Variants in SECISBP2 observed in about 807,000 individuals in gnomAD.
The protein encoded by SECISBP2 is selenocysteine insertion sequence-binding protein 2.
A neutral mutation model predicts 98.2 loss-of-function variants in SECISBP2; 96 were observed. That is an observed-to-expected ratio of 0.98 (90% CI 0.83 to 1.16). The LOEUF is 1.16. Among genes scored for constraint, SECISBP2 ranks in the 50% most tolerant of loss-of-function variants. The probability of loss-of-function intolerance (pLI) is 0.00; values close to 1 mark genes in which losing one functional copy is unlikely to be tolerated. For synonymous variants in SECISBP2, 407 were observed against 370.2 expected, an observed-to-expected ratio of 1.10 and a Z score of -1.14; for missense variants, 1,046 against 1,022.9, an observed-to-expected ratio of 1.02 and a Z score of -0.31.
chr9:89,327,812 GTTT>G (rs555623897), intron 4 of SECISBP2, among the ~76,000 whole-genome samples: 2 of 136,856 alleles, frequency 1.5e-5, no homozygotes. Context: ...GTCGTTTTGT[GTTT>G]TTTTTTTTTT....
downstream of SECISBP2, chr9:89,361,272 T>C (rs193068210): frequency 3.3e-5 from 5 of 152,318 alleles, no homozygotes; most frequent in Admixed American, 6.5e-5. Context: ...TAGCAGGCGA[T>C]GTATGCTGAT....
At chr9:89,355,146 T>G in intron 14 of SECISBP2, 1 of 985,466 alleles carries the variant, frequency 1.0e-6, no homozygotes, top group Non-Finnish European at 1.2e-6. Context: ...CACAGTATGG[T>G]AGGACGTGCA....
rs376684428 is a variant in SECISBP2 at position 89,349,765 on chromosome 9, C to T, written c.1739-11C>T. On this transcript the variant is annotated splice_polypyrimidine_tract_variant and intron_variant, in intron 12 of 16. Transcript: ENST00000375807. ...CACAGATATCTGATGATGCCTTTTTCCTCCATGAAGGGCCAGAGGGGATGG... is the reference window on the plus strand; with the variant it reads ...CACAGATATCTGATGATGCCTTTTTTCTCCATGAAGGGCCAGAGGGGATGG... 1 of 1,613,786 alleles carries T rather than the reference C, an allele frequency of 6.2e-7. No homozygotes were observed. The highest frequency in any genetic ancestry group is 8.5e-7 in the Non-Finnish European group (1 of 1,180,016).
chr9:89,360,376 T>A (rs1363705975), downstream of SECISBP2, among the ~76,000 whole-genome samples: 1 of 152,124 alleles, frequency 6.6e-6, no homozygotes, highest in East Asian at 1.9e-4. Context: ...CAAAATTAAT[T>A]TGTGGGCAAA....
chr9:89,348,624 G>A (rs965958483), intron 12 of SECISBP2, among the ~76,000 whole-genome samples: 1 of 152,250 alleles, frequency 6.6e-6, no homozygotes, highest in East Asian at 1.9e-4. Context: ...TCAGAAAAGT[G>A]CACAAATATC....
In SECISBP2 at chr9:89,358,210, G is replaced by C; in HGVS notation, c.2461+19G>C. The C allele has an allele frequency of 6.2e-7, 1 of 1,605,210 alleles. No individual in the cohort carries two copies. The highest frequency in any genetic ancestry group is 8.5e-7 in the Non-Finnish European group (1 of 1,175,848). On this transcript the variant is annotated intron_variant, in intron 16 of 16. Coordinates refer to ENST00000375807, the MANE Select transcript of SECISBP2 (RefSeq NM_024077.5). ...CACTACAGTGAGTGCTTAAGGGAGA[G>C]TTGTGTCAGGTCGAGTGTCCTCTTA...
At chr9:89,342,823 C>A (rs1378020881) in intron 10 of SECISBP2, among the ~76,000 whole-genome samples, 1 of 152,068 alleles carries the variant, frequency 6.6e-6, no homozygotes, top group African/African-American at 2.4e-5. Context: ...ATTAAAAAGT[C>A]TTGAAAATGG....
At chr9:89,363,658 T>C, downstream of SECISBP2, 3 of 1,592,812 alleles carry the variant, frequency 1.9e-6, no homozygotes, top group Non-Finnish European at 2.6e-6. Flanking sequence ...CAAGCATGCT[T>C]TCCAGCTGTT....
At chr9:89,363,517 G>A (rs768111369), downstream of SECISBP2, 13 of 1,613,948 alleles carry the variant, frequency 8.1e-6, no homozygotes, top group Admixed American at 1.7e-4. Context: ...ACCTCTCCTG[G>A]TGGGTCACTT....
intron 2 of SECISBP2, chr9:89,324,117 T>G (rs573008005): frequency 2.0e-5 from 3 of 152,356 alleles, no homozygotes; most frequent in Admixed American, 2.0e-4. Flanking sequence ...GAACAGATTA[T>G]CCACCTTCAG....
At chr9:89,363,174 TC>T (rs1453195276), downstream of SECISBP2, among the ~76,000 whole-genome samples, 2 of 151,986 alleles carry the variant, frequency 1.3e-5, no homozygotes, top group Non-Finnish European at 2.9e-5. Flanking sequence ...CACCTGTGAG[TC>T]CCTCCCAGTC....
intron 16 of SECISBP2, 54 bp from the exon 17 acceptor site, chr9:89,358,667 A>G: frequency 8.4e-7 from 1 of 1,183,764 alleles, no homozygotes; most frequent in Admixed American, 1.7e-5. Context: ...TTCTTACAGG[A>G]GTTTTCCTAC....
At chr9:89,319,858 A>C in intron 2 of SECISBP2, 61 bp downstream of exon 2, 1 of 1,542,856 alleles carries the variant, frequency 6.5e-7, no homozygotes, top group Non-Finnish European at 9.0e-7. Context: ...TGGTGATTAG[A>C]CTTTCAAATA....
intron 10 of SECISBP2, among the ~76,000 whole-genome samples, chr9:89,345,995 G>A (rs1453786186): frequency 6.6e-6 from 1 of 152,216 alleles, no homozygotes; most frequent in Non-Finnish European, 1.5e-5. Context: ...CAGTCAGACA[G>A]GCGAGATTTA....
chr9:89,337,104 C>G (rs1474650202), intron 7 of SECISBP2, among the ~76,000 whole-genome samples: 1 of 152,050 alleles, frequency 6.6e-6, no homozygotes, highest in Admixed American at 6.5e-5. Context: ...TTGCAGCTGC[C>G]AAGTCACTCT....
chr9:89,347,190 C>G, intron 11 of SECISBP2, 142 bp downstream of exon 11: 1 of 845,310 alleles, frequency 1.2e-6, no homozygotes, highest in East Asian at 2.7e-5. Context: ...TAATGATACT[C>G]CAACAAATGA....
intron 4 of SECISBP2, among the ~76,000 whole-genome samples, chr9:89,327,150 C>G (rs1048809523): frequency 6.7e-6 from 1 of 150,170 alleles, no homozygotes; most frequent in Non-Finnish European, 1.5e-5. Flanking sequence ...GGAGACAGAG[C>G]GAGACTCCGT....
downstream of SECISBP2, chr9:89,362,442 G>A (rs772049823): frequency 1.2e-6 from 2 of 1,613,900 alleles, no homozygotes; most frequent in East Asian, 4.5e-5. Flanking sequence ...AAAGAACAAT[G>A]TGGTCTTTGA....
intron 5 of SECISBP2, 196 bp from the exon 6 acceptor site, chr9:89,332,712 T>C (rs888105536): frequency 6.6e-6 from 4 of 601,894 alleles, no homozygotes; most frequent in Non-Finnish European, 1.2e-5. Context: ...CTAAATCATA[T>C]GGTAAGAGTA....
Sources: gnomAD v4.1 joint callset for allele counts (sites outside exome capture counted in the v4.1 genomes callset) on GRCh38, gnomAD v4.1.1 for gene constraint, MANE v1.5 for transcripts, NCBI Gene and HGNC (gene_info 2026-07-23, HGNC 2026-07-21) for gene names.